ADAP2: variants seen among roughly 807,000 people sequenced by gnomAD.
ADAP2 encodes the protein ArfGAP with dual PH domains 2.
ADAP2 carries 42 observed loss-of-function variants against 54.9 expected under a neutral mutation model. The observed-to-expected ratio is 0.77, with a 90% confidence interval of 0.60 to 0.99. The LOEUF is 0.99. ADAP2 is among the 50% of genes least tolerant of loss of function. The pLI, the probability that ADAP2 is intolerant of heterozygous loss-of-function variation, is 0.00. For synonymous variants in ADAP2, 177 were observed against 180.1 expected (o/e 0.98, Z 0.14); for missense variants, 429 against 480.4 (o/e 0.89, Z 1.00).
At chr17:30,928,134 A>G (rs1166880105) in intron 3 of ADAP2, among the ~76,000 whole-genome samples, 1 of 142,996 alleles carries the variant, frequency 7.0e-6, no homozygotes, top group Non-Finnish European at 1.5e-5. Flanking sequence ...CAGAGGGTGC[A>G]TTGAGCCAAG....
chr17:30,936,084 C>T (rs1237265779), intron 5 of ADAP2, among the ~76,000 whole-genome samples: 1 of 152,188 alleles, frequency 6.6e-6, no homozygotes, highest in African/African-American at 2.4e-5. Flanking sequence ...TAGCCCTAGG[C>T]AACCAACAAC....
chr17:30,954,256 C>T, intron 8 of ADAP2: 1 of 449,248 alleles, frequency 2.2e-6, no homozygotes. Flanking sequence ...GTGAAGCTGG[C>T]AAAGGGTATG....
At chr17:30,953,260 G>A (rs1356721041) in intron 7 of ADAP2, 28 bp from the exon 8 acceptor site, 7 of 1,613,170 alleles carry the variant, frequency 4.3e-6, no homozygotes, top group Non-Finnish European at 5.9e-6. Flanking sequence ...GTGTGAGTTG[G>A]GGGTCAGTGT....
Position 30,929,761 on chromosome 17 carries a change from A to G in ADAP2, c.318-2128A>G, listed in dbSNP as rs147580205. Among the ~76,000 whole-genome samples, 59 of 152,258 alleles carry G rather than the reference A, an allele frequency of 3.9e-4. No individual in the cohort carries two copies. In the East Asian group the frequency reaches 0.01, roughly 26 times the overall value. ...GCCCAGGCTAGAGTTCAGTGGCACA[A>G]TCATGGCTCACTGCAGCCCCAACCT... On this transcript the variant is annotated intron_variant, in intron 3 of 10. Transcript: ENST00000330889.
intron 2 of ADAP2, among the ~76,000 whole-genome samples, chr17:30,925,272 C>T (rs1209534581): frequency 6.7e-6 from 1 of 149,966 alleles, no homozygotes; most frequent in African/African-American, 2.5e-5. Context: ...TCACTGCAAC[C>T]TCCACCTCCT....
rs12944063 is a variant in ADAP2, at chr17:30,922,121, C to T, written c.94+13C>T. 3 of 1,236,192 alleles carry T rather than the reference C, an allele frequency of 2.4e-6. No homozygotes were observed. The highest frequency in any genetic ancestry group is 1.0e-6 in the Non-Finnish European group (1 of 990,014). The allele number at this position is 1,236,192 out of a possible 1,614,324, so 76.6% of individuals were successfully genotyped here. A position where few individuals can be genotyped will look rare whatever the true frequency, so the allele number is the denominator to read the frequency against. ...TGCGGGGCGGCAGGTAAGGGCGCGG[C>T]GGCGCGGGCAGCGCGAGACCCCCGG... On this transcript the variant is annotated intron_variant, in intron 1 of 10. Coordinates refer to ENST00000330889, the MANE Select transcript of ADAP2 (RefSeq NM_018404.3).
chr17:30,926,154 G>C (rs1047987734), intron 2 of ADAP2, among the ~76,000 whole-genome samples: 2 of 152,190 alleles, frequency 1.3e-5, no homozygotes, highest in Admixed American at 6.5e-5. Context: ...CCCTGCAGAG[G>C]AGAAGAGGAG....
intron 3 of ADAP2, among the ~76,000 whole-genome samples, chr17:30,928,921 C>T (rs1598027424): frequency 6.6e-6 from 1 of 152,188 alleles, no homozygotes; most frequent in African/African-American, 2.4e-5. Flanking sequence ...CTGACCCAGC[C>T]TCATAGCGGG....
At chr17:30,927,484 C>T (rs953513271) in intron 3 of ADAP2, among the ~76,000 whole-genome samples, 12 of 151,750 alleles carry the variant, frequency 7.9e-5, no homozygotes, top group African/African-American at 9.7e-5. Flanking sequence ...GGCGTGGTGG[C>T]GGGCACTGGA....
At chr17:30,943,913 G>A (rs975170709) in intron 5 of ADAP2, among the ~76,000 whole-genome samples, 2 of 151,802 alleles carry the variant, frequency 1.3e-5, no homozygotes, top group Non-Finnish European at 2.9e-5. Context: ...CAGATTGGCC[G>A]GGGGCGGTGG....
chr17:30,932,831 G>T (rs1911595901), intron 4 of ADAP2, among the ~76,000 whole-genome samples: 1 of 151,968 alleles, frequency 6.6e-6, no homozygotes, highest in Non-Finnish European at 1.5e-5. Flanking sequence ...GCCTCCCAAA[G>T]TTCTGGGACT....
intron 7 of ADAP2, 31 bp from the exon 8 acceptor site, chr17:30,953,257 T>A (rs1207887143): frequency 6.2e-7 from 1 of 1,612,540 alleles, no homozygotes; most frequent in South Asian, 1.1e-5. Flanking sequence ...GGGGTGTGAG[T>A]TGGGGGTCAG....
In ADAP2 at chr17:30,959,273, C is replaced by T. The variant is rs1333850046; in HGVS notation, c.*1404C>T. On this transcript the variant is annotated 3_prime_UTR_variant, in exon 11 of 11. Transcript: ENST00000330889. Reference sequence around the variant, plus strand: ...CTACTTGAAGAGGCCAACTGGGATTCTAAGGGTGGGAAAGAACAGACACAA... The same window carrying T: ...CTACTTGAAGAGGCCAACTGGGATTTTAAGGGTGGGAAAGAACAGACACAA... 2.0e-5 allele frequency: 3 copies of T among 152,190 alleles called. No homozygotes were observed. Among genetic ancestry groups the T allele is most frequent in the Non-Finnish European group, 4.4e-5 (3 of 68,060 alleles). 9.4% of individuals were successfully genotyped at this position (152,190 alleles called of 1,614,324 possible). A position where few individuals can be genotyped will look rare whatever the true frequency, so the allele number is the denominator to read the frequency against.
rs117261993 is a variant in ADAP2, at chr17:30,947,719, C to T, written c.658-1568C>T. Among the ~76,000 whole-genome samples the T allele has an allele frequency of 2.9e-4, 44 of 152,288 alleles. No homozygotes were observed. The East Asian group carries it at 8.1e-3, about 28-fold the overall frequency. ...CCTGGAATACTAGGCCTGTGTGCTT[C>T]GCCTATGAGAGAGAAAGAGAAATGG... On this transcript the variant is annotated intron_variant, in intron 6 of 10. Coordinates refer to ENST00000330889, the MANE Select transcript of ADAP2 (RefSeq NM_018404.3).
At chr17:30,954,739 C>T (rs972994479) in intron 9 of ADAP2, among the ~76,000 whole-genome samples, 184 bp downstream of exon 9, 8 of 152,212 alleles carry the variant, frequency 5.3e-5, no homozygotes, top group Non-Finnish European at 4.4e-5. Context: ...TGGCATGAAG[C>T]TTCTCCTCGC....
intron 9 of ADAP2, 49 bp downstream of exon 9, chr17:30,954,604 G>T (rs1904922519): frequency 2.0e-6 from 3 of 1,489,104 alleles, no homozygotes; most frequent in Admixed American, 3.4e-5. Flanking sequence ...AACATTGCTG[G>T]GTGGTGCTTG....
chr17:30,944,819 T>C (rs890264079), intron 5 of ADAP2, 88 bp from the exon 6 acceptor site: 5 of 1,309,348 alleles, frequency 3.8e-6, no homozygotes, highest in Non-Finnish European at 5.3e-6. Flanking sequence ...TACAGATTGA[T>C]GCTTGTTTGC....
chr17:30,957,349 G>A (rs139017794), intron 10 of ADAP2, among the ~76,000 whole-genome samples: 3 of 151,550 alleles, frequency 2.0e-5, no homozygotes, highest in Non-Finnish European at 4.4e-5. Flanking sequence ...TTGCTGGTGT[G>A]TGCATTCCCT....
chr17:30,923,426 G>A (rs374788662), intron 2 of ADAP2, among the ~76,000 whole-genome samples: 1 of 151,154 alleles, frequency 6.6e-6, no homozygotes, highest in African/African-American at 2.4e-5. Context: ...CACCACACCC[G>A]GCTAATTTTT....
Sources: gnomAD v4.1 joint callset for allele counts (sites outside exome capture counted in the v4.1 genomes callset) on GRCh38, gnomAD v4.1.1 for gene constraint, MANE v1.5 for transcripts, NCBI Gene and HGNC (gene_info 2026-07-23, HGNC 2026-07-21) for gene names.